KCNQ5: variants seen among roughly 807,000 people sequenced by gnomAD.
The protein encoded by KCNQ5 is potassium voltage-gated channel subfamily KQT member 5.
Under a neutral mutation model 98.2 loss-of-function variants are expected in KCNQ5, and 30 were observed. The ratio of observed to expected loss-of-function variants is 0.31; its 90% CI spans 0.23 to 0.41. KCNQ5 has a LOEUF of 0.41. KCNQ5 is among the 10% of genes least tolerant of loss of function. The pLI, the probability that KCNQ5 is intolerant of heterozygous loss-of-function variation, is 1.00. For synonymous variants in KCNQ5, 458 were observed against 449.4 expected, an observed-to-expected ratio of 1.02 and a Z score of -0.24; for missense variants, 835 against 1,182.5, an observed-to-expected ratio of 0.71 and a Z score of 4.31.
At chr6:72,963,631 A>G (rs555263815) in intron 1 of KCNQ5, among the ~76,000 whole-genome samples, 12 of 152,076 alleles carry the variant, frequency 7.9e-5, no homozygotes, top group Admixed American at 2.0e-4. Context: ...TTAGATTGCT[A>G]TAGCTATTAA....
At chr6:73,051,340 C>T (rs1428034099) in intron 3 of KCNQ5, among the ~76,000 whole-genome samples, 3 of 152,296 alleles carry the variant, frequency 2.0e-5, no homozygotes, top group South Asian at 2.1e-4. Context: ...CAGCACTCTG[C>T]CCCAGTTGAT....
chr6:72,754,368 A>G (rs1322397055), intron 1 of KCNQ5, among the ~76,000 whole-genome samples: 1 of 152,122 alleles, frequency 6.6e-6, no homozygotes, highest in African/African-American at 2.4e-5. Context: ...GTCATGATGT[A>G]TCATCTTTTT....
At chr6:73,019,150 C>A (rs1436995454) in intron 2 of KCNQ5, among the ~76,000 whole-genome samples, 1 of 152,182 alleles carries the variant, frequency 6.6e-6, no homozygotes. Flanking sequence ...AAGCTCTCTT[C>A]ACCTACATGT....
At chr6:73,065,444 A>C (rs972455684) in intron 3 of KCNQ5, among the ~76,000 whole-genome samples, 2 of 152,198 alleles carry the variant, frequency 1.3e-5, no homozygotes, top group African/African-American at 2.4e-5. Flanking sequence ...AGACCACAGC[A>C]GTGGCTTCTT....
intron 1 of KCNQ5, among the ~76,000 whole-genome samples, chr6:72,803,599 C>T (rs1000936636): frequency 9.2e-5 from 14 of 151,890 alleles, no homozygotes; most frequent in Non-Finnish European, 1.9e-4. Context: ...GGAGGTTTGG[C>T]GACATTGTAT....
chr6:72,901,099 TA>T (rs1241276314), intron 1 of KCNQ5, among the ~76,000 whole-genome samples: 1 of 151,554 alleles, frequency 6.6e-6, no homozygotes, highest in African/African-American at 2.4e-5. Flanking sequence ...TTACCTTAGG[TA>T]TATCTCCTAA....
chr6:73,135,643 TGTTGAGTGCAG>T (rs1776440106), intron 10 of KCNQ5: 2 of 152,114 alleles, frequency 1.3e-5, no homozygotes, highest in Non-Finnish European at 2.9e-5. Context: ...AACCAGTCTT[TGTTGAGTGCAG>T]ACATAGACTA....
intron 3 of KCNQ5, among the ~76,000 whole-genome samples, chr6:73,047,334 T>C (rs1196635676): frequency 6.6e-6 from 1 of 152,222 alleles, no homozygotes; most frequent in Non-Finnish European, 1.5e-5. Context: ...GGACCTAAAA[T>C]AGACTTACTT....
chr6:72,752,092 C>G (rs1434561184), intron 1 of KCNQ5, among the ~76,000 whole-genome samples: 1 of 152,050 alleles, frequency 6.6e-6, no homozygotes, highest in African/African-American at 2.4e-5. Context: ...CCAGCAATCC[C>G]CCAGTGAAAA....
At chr6:72,690,579 A>G (rs1768165095) in intron 1 of KCNQ5, among the ~76,000 whole-genome samples, 1 of 152,222 alleles carries the variant, frequency 6.6e-6, no homozygotes, top group Non-Finnish European at 1.5e-5. Flanking sequence ...TTGTAAATCT[A>G]CAAAAGATTT....
chr6:73,106,682 G>C (rs1479497841), intron 6 of KCNQ5, among the ~76,000 whole-genome samples: 1 of 152,110 alleles, frequency 6.6e-6, no homozygotes, highest in Admixed American at 6.5e-5. Flanking sequence ...CCTCTGTAAG[G>C]ACCCTATTTT....
rs996709971 is a variant in KCNQ5, at chr6:72,734,277, T to G, written c.398+111690T>G. Among the ~76,000 whole-genome samples the G allele has an allele frequency of 9.9e-5, 15 of 152,204 alleles. No homozygotes were observed. In the South Asian group the frequency reaches 2.1e-3, roughly 21 times the overall value. Reference sequence around the variant, plus strand: ...TGTTATTGCTTGATCCAAAATGACTTAACACAAATTTTTTAAACATGTTCA... The same window carrying G: ...TGTTATTGCTTGATCCAAAATGACTGAACACAAATTTTTTAAACATGTTCA... On this transcript the variant is annotated intron_variant, in intron 1 of 13. Coordinates refer to ENST00000370398, the MANE Select transcript of KCNQ5 (RefSeq NM_019842.4).
intron 1 of KCNQ5, among the ~76,000 whole-genome samples, chr6:72,887,068 G>A (rs958552499): frequency 3.9e-5 from 6 of 152,200 alleles, no homozygotes; most frequent in Admixed American, 1.3e-4. Flanking sequence ...TAAAACAATT[G>A]CAAATAAATT....
At chr6:72,809,413 G>C (rs571234598) in intron 1 of KCNQ5, among the ~76,000 whole-genome samples, 1 of 152,066 alleles carries the variant, frequency 6.6e-6, no homozygotes, top group African/African-American at 2.4e-5. Context: ...ATAGCCAGGC[G>C]TGGTGGCATG....
intron 1 of KCNQ5, among the ~76,000 whole-genome samples, chr6:72,961,704 T>C (rs547800538): frequency 6.7e-6 from 1 of 149,878 alleles, no homozygotes; most frequent in East Asian, 2.0e-4. Flanking sequence ...GACGAGAAGA[T>C]AAAGCATTTC....
intron 1 of KCNQ5, among the ~76,000 whole-genome samples, chr6:72,957,607 G>C (rs1243413003): frequency 6.6e-6 from 1 of 152,108 alleles, no homozygotes; most frequent in East Asian, 1.9e-4. Flanking sequence ...CCAGAACGGA[G>C]AGCCACTGGT....
chr6:73,152,338 C>A (rs1777186645), intron 10 of KCNQ5, among the ~76,000 whole-genome samples: 1 of 151,936 alleles, frequency 6.6e-6, no homozygotes, highest in Non-Finnish European at 1.5e-5. Context: ...TATCCTTCCT[C>A]TTTCATTTTC....
intron 1 of KCNQ5, among the ~76,000 whole-genome samples, chr6:72,847,649 A>G (rs902687235): frequency 1.3e-5 from 2 of 152,208 alleles, no homozygotes; most frequent in Admixed American, 6.5e-5. Flanking sequence ...CTCCTCCTCC[A>G]ATCATCCTTC....
chr6:72,779,845 G>GTA (rs1773366150), intron 1 of KCNQ5, among the ~76,000 whole-genome samples: 1 of 132,766 alleles, frequency 7.5e-6, no homozygotes, highest in African/African-American at 3.6e-5. Flanking sequence ...GTGTGTGTGT[G>GTA]TGTGTGTGTG....
Sources: allele counts gnomAD v4.1 joint callset (sites outside exome capture counted in the v4.1 genomes callset), GRCh38; gene constraint gnomAD v4.1.1; transcripts MANE v1.5; gene names NCBI Gene and HGNC (gene_info 2026-07-23, HGNC 2026-07-21).